Variants in HEG1 observed in about 807,000 individuals in gnomAD.
The protein encoded by HEG1 is protein HEG homolog 1.
A neutral mutation model predicts 125.6 loss-of-function variants in HEG1; 56 were observed. That is an observed-to-expected ratio of 0.45 (90% confidence interval 0.36 to 0.56). The LOEUF (loss-of-function observed/expected upper bound fraction) is 0.56, where lower values mean the gene tolerates loss of function less well. Ranked by LOEUF, HEG1 falls within the 20% of genes least tolerant of loss-of-function variation. The pLI is 0.00. For missense variants in HEG1, 1,523 were observed against 1,670.0 expected (o/e 0.91, Z 1.53); for synonymous variants, 644 against 668.5 (o/e 0.96, Z 0.57).
intron 6 of HEG1, 114 bp downstream of exon 6, chr3:125,012,509 G>T: frequency 9.1e-7 from 1 of 1,096,868 alleles, no homozygotes; most frequent in Non-Finnish European, 1.3e-6. Flanking sequence ...CAAAACAGAA[G>T]CTATTTCAAA....
intron 8 of HEG1, 153 bp downstream of exon 8, chr3:125,009,552 G>C: frequency 8.8e-6 from 6 of 681,116 alleles, no homozygotes; most frequent in Non-Finnish European, 1.4e-5. Context: ...CCAAGTATTA[G>C]AATAATGGAC....
At chr3:125,054,896 T>C (rs1937896002) in intron 1 of HEG1, among the ~76,000 whole-genome samples, 1 of 152,100 alleles carries the variant, frequency 6.6e-6, no homozygotes, top group East Asian at 1.9e-4. Context: ...GACACAAAGG[T>C]AGCAGGGAGA....
At chr3:125,045,570 G>A (rs9968134) in intron 1 of HEG1, among the ~76,000 whole-genome samples, 71,543 of 152,004 alleles carry the variant, frequency 0.47, 17,677 homozygotes, top group Middle Eastern at 0.69. Flanking sequence ...CGTTAGCCAT[G>A]GCAATCACAG....
At chr3:124,999,512 T>G (rs554798523) in intron 11 of HEG1, among the ~76,000 whole-genome samples, 1 of 152,328 alleles carries the variant, frequency 6.6e-6, no homozygotes, top group Non-Finnish European at 1.5e-5. Flanking sequence ...TGATTAGATA[T>G]TTTCTGGAAG....
intron 12 of HEG1, 141 bp downstream of exon 12, chr3:124,997,548 G>T: frequency 1.4e-6 from 1 of 690,546 alleles, no homozygotes; most frequent in Non-Finnish European, 2.1e-6. Context: ...ATCCTGCCAC[G>T]AGCAAAATAA....
chr3:125,014,417 T>C (rs778643679), intron 5 of HEG1, among the ~76,000 whole-genome samples: 5 of 152,114 alleles, frequency 3.3e-5, no homozygotes, highest in African/African-American at 4.8e-5. Context: ...TTCTATAGAA[T>C]GAGATATTTC....
Position 125,013,911 on chromosome 3 carries a change from G to A in HEG1, c.1668C>T (p.Tyr556=), listed in dbSNP as rs1289428055. The part of the protein sequence containing the change: ...RTSSDHTDHT[Y]LSSTFTKGER... ...CTCCTTTGGTGAAAGTAGATGACAGGTAGGTGTGGTCTGTGTGGTCGCTGG... is the reference window on the plus strand; with the variant it reads ...CTCCTTTGGTGAAAGTAGATGACAGATAGGTGTGGTCTGTGTGGTCGCTGG... Residue 556 remains tyrosine, a synonymous_variant, in exon 6 of 17, where the codon TAC becomes TAT. Coordinates refer to ENST00000311127, the MANE Select transcript of HEG1 (RefSeq NM_020733.2). 15 of 1,613,778 alleles carry A rather than the reference G, an allele frequency of 9.3e-6. No individual in the cohort carries two copies. Among genetic ancestry groups the A allele is most frequent in the Non-Finnish European group, 1.3e-5 (15 of 1,179,830 alleles).
chr3:125,028,924 G>A (rs1368722317), intron 2 of HEG1, among the ~76,000 whole-genome samples: 1 of 152,104 alleles, frequency 6.6e-6, no homozygotes, highest in African/African-American at 2.4e-5. Context: ...GAGACCCTCG[G>A]GTGTGGCAGG....
chr3:125,005,459 C>T (rs1937059236), intron 8 of HEG1, 91 bp from the exon 9 acceptor site: 2 of 638,606 alleles, frequency 3.1e-6, no homozygotes, highest in South Asian at 2.0e-5. Flanking sequence ...TCCGGCTTTA[C>T]TCCACCTCAC....
chr3:124,995,491 G>A (rs1360023186), intron 12 of HEG1, among the ~76,000 whole-genome samples: 1 of 152,238 alleles, frequency 6.6e-6, no homozygotes, highest in Non-Finnish European at 1.5e-5. Flanking sequence ...AGAACATAGA[G>A]ACTTGCTAAT....
chr3:124,976,237 G>A (rs150739300), intron 15 of HEG1, among the ~76,000 whole-genome samples: 11 of 152,162 alleles, frequency 7.2e-5, no homozygotes, highest in African/African-American at 2.7e-4. Flanking sequence ...ACCCAGGCTG[G>A]AGTGCAGTGG....
chr3:125,003,855 T>A (rs192688756), intron 9 of HEG1, among the ~76,000 whole-genome samples: 120 of 152,354 alleles, frequency 7.9e-4, no homozygotes, highest in African/African-American at 2.9e-3. Context: ...GTGCATCTCT[T>A]TCCTTGGCTG....
Position 125,013,644 on chromosome 3 carries a change from A to C in HEG1, c.1935T>G (p.Thr645=). The C allele has an allele frequency of 6.2e-7, 1 of 1,612,692 alleles. No individual in the cohort carries two copies. Among genetic ancestry groups the C allele is most frequent in the Non-Finnish European group, 8.5e-7 (1 of 1,179,342 alleles). ...SYTPTINMPN[T]SVVLDTDAEF... ...CAGCATCAGTGTCCAGAACAACCGA[A>C]GTGTTCGGCATATTAATGGTGGGTG... Residue 645 remains threonine (T), a synonymous_variant, in exon 6 of 17, where the codon ACT becomes ACG. Coordinates refer to ENST00000311127, the MANE Select transcript of HEG1 (RefSeq NM_020733.2).
rs1368029064 is a variant in HEG1, at chr3:125,013,097, G to C, written c.2482C>G (p.Leu828Val). ...SLTESSTEQTLPATSTNLAQM... is the reference protein window; with the variant it reads ...SLTESSTEQTVPATSTNLAQM... Reference sequence around the variant, plus strand: ...GCTAAGTTGGTGCTTGTGGCTGGAAGGGTTTGCTCTGTGGAGGACTCTGTT... The same window carrying C: ...GCTAAGTTGGTGCTTGTGGCTGGAACGGTTTGCTCTGTGGAGGACTCTGTT... Residue 828 changes from leucine to valine, a missense_variant, in exon 6 of 17, where the codon CTT becomes GTT. Physicochemically the swap from Leu to Val is conservative, Grantham distance 32 (BLOSUM62 1). Transcript: ENST00000311127. 1 of 1,614,026 alleles carries C rather than the reference G, an allele frequency of 6.2e-7. No homozygotes were observed. The highest frequency in any genetic ancestry group is 8.5e-7 in the Non-Finnish European group (1 of 1,179,896).
At chr3:124,999,369 C>T (rs541972406) in intron 11 of HEG1, among the ~76,000 whole-genome samples, 1 of 152,352 alleles carries the variant, frequency 6.6e-6, no homozygotes, top group Non-Finnish European at 1.5e-5. Context: ...TAATGAACTT[C>T]CACAATCCCT....
intron 12 of HEG1, among the ~76,000 whole-genome samples, 164 bp from the exon 13 acceptor site, chr3:124,991,150 C>CTTT (rs140940360): frequency 6.0e-5 from 8 of 134,244 alleles, no homozygotes; most frequent in Non-Finnish European, 9.5e-5. Context: ...CGGCACAACT[C>CTTT]TTTTTTTTTT....
chr3:125,055,987 G>C lies in HEG1; in HGVS notation c.-97C>G, dbSNP rs1326736203. The C allele has an allele frequency of 1.7e-6, 1 of 589,716 alleles. No individual in the cohort carries two copies. Among genetic ancestry groups the C allele is most frequent in the Non-Finnish European group, 2.1e-6 (1 of 469,120 alleles). 36.5% of individuals were successfully genotyped at this position (589,716 alleles called of 1,614,324 possible). On this transcript the variant is annotated 5_prime_UTR_variant, in exon 1 of 17. Coordinates refer to ENST00000311127, the MANE Select transcript of HEG1 (RefSeq NM_020733.2). ...GCGGGGGCCGCGCGGGGCCGGGGAA[G>C]TGAGCGGAGTGAGGCTGCGAGCGCG...
Position 124,970,502 on chromosome 3 carries a change from CTG to C in HEG1, c.*148_*149del. On this transcript the variant is annotated 3_prime_UTR_variant, in exon 17 of 17. Coordinates refer to ENST00000311127, the MANE Select transcript of HEG1 (RefSeq NM_020733.2). ...GTTCCACATCCACCTGTCTCCTCCA[CTG>C]TGGTCACGCCCCGCATGCCTGTCCC... 1 of 637,306 alleles carries C rather than the reference CTG, an allele frequency of 1.6e-6. No homozygotes were observed. The highest frequency in any genetic ancestry group is 2.7e-6 in the Non-Finnish European group (1 of 368,734). 39.5% of individuals were successfully genotyped at this position (637,306 alleles called of 1,614,324 possible).
intron 14 of HEG1, among the ~76,000 whole-genome samples, chr3:124,988,241 T>C (rs746093320): frequency 2.0e-5 from 3 of 151,874 alleles, no homozygotes; most frequent in Non-Finnish European, 2.9e-5. Flanking sequence ...GATATCCTCC[T>C]AAACACAAAA....
Sources: gnomAD v4.1 joint callset for allele counts (sites outside exome capture counted in the v4.1 genomes callset) on GRCh38, gnomAD v4.1.1 for gene constraint, MANE v1.5 for transcripts, NCBI Gene and HGNC (gene_info 2026-07-23, HGNC 2026-07-21) for gene names.